Variants in SLC8A1 observed in about 807,000 individuals in gnomAD.
The protein encoded by SLC8A1 is solute carrier family 8 member A1.
In SLC8A1, 18 loss-of-function variants were observed where a neutral mutation model predicts 68.3. The observed-to-expected ratio is 0.26, with a 90% CI of 0.18 to 0.39. The LOEUF (loss-of-function observed/expected upper bound fraction) is 0.39, where lower values mean the gene tolerates loss of function less well. Ranked by LOEUF, SLC8A1 falls within the 10% of genes least tolerant of loss-of-function variation. The pLI, the probability that SLC8A1 is intolerant of heterozygous loss-of-function variation, is 1.00. For synonymous variants in SLC8A1, 475 were observed against 415.5 expected (o/e 1.14, Z -1.74); for missense variants, 985 against 1,156.7 (o/e 0.85, Z 2.15).
intron 6 of SLC8A1, among the ~76,000 whole-genome samples, chr2:40,140,746 G>A (rs2041408125): frequency 6.6e-6 from 1 of 152,218 alleles, no homozygotes; most frequent in Admixed American, 6.5e-5. Flanking sequence ...ACCATCTCCA[G>A]CATGTGAACA....
intron 1 of SLC8A1, among the ~76,000 whole-genome samples, chr2:40,442,397 CAAAA>C (rs550977492): frequency 2.6e-5 from 2 of 75,742 alleles, no homozygotes; most frequent in Non-Finnish European, 5.4e-5. Context: ...CTTAAATTTA[CAAAA>C]AAAAAAAAAA....
chr2:40,415,034 C>T (rs992026145), intron 2 of SLC8A1, among the ~76,000 whole-genome samples: 7 of 152,178 alleles, frequency 4.6e-5, no homozygotes, highest in African/African-American at 1.4e-4. Flanking sequence ...GGAATGGACT[C>T]GTATTTAAGG....
chr2:40,137,909 C>T (rs551459122), intron 7 of SLC8A1, among the ~76,000 whole-genome samples: 1 of 152,242 alleles, frequency 6.6e-6, no homozygotes, highest in African/African-American at 2.4e-5. Context: ...AGTTGCATAA[C>T]ACCATGCCTT....
chr2:40,354,715 T>C (rs754417334), intron 2 of SLC8A1, among the ~76,000 whole-genome samples: 1 of 152,050 alleles, frequency 6.6e-6, no homozygotes, highest in Non-Finnish European at 1.5e-5. Context: ...GTTGTATAAA[T>C]CTTAAGAAAA....
intron 2 of SLC8A1, among the ~76,000 whole-genome samples, chr2:40,403,768 C>G (rs1408906845): frequency 6.6e-6 from 1 of 152,154 alleles, no homozygotes. Context: ...TCATAGAAAG[C>G]ATTTTGGCAT....
intron 2 of SLC8A1, among the ~76,000 whole-genome samples, chr2:40,285,844 A>C (rs2068217198): frequency 6.6e-6 from 1 of 152,186 alleles, no homozygotes; most frequent in Non-Finnish European, 1.5e-5. Flanking sequence ...TATATTATAG[A>C]TAGAACTTTG....
rs1350658776 is a variant in SLC8A1 at position 40,467,546 on chromosome 2, C to G, written c.-24-37242G>C. 3.3e-5 allele frequency among the ~76,000 whole-genome samples: 5 copies of G among 152,226 alleles called. No individual in the cohort carries two copies. In the East Asian group the frequency reaches 9.6e-4, roughly 29 times the overall value. On this transcript the variant is annotated intron_variant, in intron 1 of 7. Transcript: ENST00000402441. Reference sequence around the variant, plus strand: ...ATTGTTGTCTCCTTTTATGTTCCTTCTACAGAATAATGATTTGCTGCCTTT... The same window carrying G: ...ATTGTTGTCTCCTTTTATGTTCCTTGTACAGAATAATGATTTGCTGCCTTT...
chr2:40,290,434 G>A (rs923476866), intron 2 of SLC8A1, among the ~76,000 whole-genome samples: 8 of 151,982 alleles, frequency 5.3e-5, no homozygotes, highest in Admixed American at 5.2e-4. Flanking sequence ...CCCTTCTATA[G>A]AATATATGCT....
intron 6 of SLC8A1, among the ~76,000 whole-genome samples, chr2:40,145,480 T>C (rs1394026575): frequency 6.6e-6 from 1 of 152,210 alleles, no homozygotes; most frequent in Non-Finnish European, 1.5e-5. Flanking sequence ...CATCTGCGGA[T>C]GTGTCTGACT....
chr2:40,423,230 T>C (rs1695981508), intron 2 of SLC8A1, among the ~76,000 whole-genome samples: 1 of 152,110 alleles, frequency 6.6e-6, no homozygotes, highest in African/African-American at 2.4e-5. Context: ...TATGAGTCCA[T>C]CTTACAATGC....
At chr2:40,307,193 C>T (rs79609554) in intron 2 of SLC8A1, among the ~76,000 whole-genome samples, 1,824 of 143,088 alleles carry the variant, frequency 0.013, 28 homozygotes, top group African/African-American at 0.045. Flanking sequence ...ACACACACAC[C>T]AATATAACAG....
At chr2:40,301,852 G>A (rs1447249943) in intron 2 of SLC8A1, among the ~76,000 whole-genome samples, 2 of 152,096 alleles carry the variant, frequency 1.3e-5, no homozygotes, top group African/African-American at 4.8e-5. Flanking sequence ...CACCCAAGCA[G>A]TATATATACT....
At chr2:40,400,840 G>A (rs756991914) in intron 2 of SLC8A1, among the ~76,000 whole-genome samples, 2 of 152,160 alleles carry the variant, frequency 1.3e-5, no homozygotes, top group East Asian at 3.9e-4. Flanking sequence ...CTGGCATAGG[G>A]AGCACTGCCC....
At chr2:40,335,012 CT>C (rs779632884) in intron 2 of SLC8A1, among the ~76,000 whole-genome samples, 94 of 152,302 alleles carry the variant, frequency 6.2e-4, no homozygotes, top group Admixed American at 1.1e-3. Context: ...AAAAACTCTA[CT>C]GATATCAACT....
chr2:40,497,238 T>C (rs1255181215), intron 1 of SLC8A1, among the ~76,000 whole-genome samples: 1 of 152,050 alleles, frequency 6.6e-6, no homozygotes, highest in Non-Finnish European at 1.5e-5. Flanking sequence ...CTTCTAAGCA[T>C]CCATTTTCTT....
At position 40,384,294 on chromosome 2, in the gene SLC8A1, T is replaced by C. The variant is rs557083529; in HGVS notation, c.1808+44179A>G. Among the ~76,000 whole-genome samples the C allele has an allele frequency of 1.4e-4, 22 of 152,216 alleles. No individual in the cohort carries two copies. In the South Asian group the frequency reaches 4.4e-3, roughly 30 times the overall value. ...ATAACATTTTAAAAAATGTTAAGAA[T>C]TATTAAACTGTTATTTATTGTATTA... is the stretch of plus-strand genomic sequence containing the variant. On this transcript the variant is annotated intron_variant, in intron 2 of 7. Transcript: ENST00000406785.
chr2:40,414,646 T>C (rs1247300148), intron 2 of SLC8A1, among the ~76,000 whole-genome samples: 2 of 152,204 alleles, frequency 1.3e-5, no homozygotes, highest in Admixed American at 1.3e-4. Context: ...GGACTTGTTT[T>C]AGTCTCTTGG....
chr2:40,301,859 T>C (rs1040454590), intron 2 of SLC8A1, among the ~76,000 whole-genome samples: 1 of 152,122 alleles, frequency 6.6e-6, no homozygotes, highest in Non-Finnish European at 1.5e-5. Context: ...GCAGTATATA[T>C]ACTGAACCCC....
At chr2:40,284,025 G>A (rs11904139) in intron 2 of SLC8A1, among the ~76,000 whole-genome samples, 70,685 of 151,900 alleles carry the variant, frequency 0.47, 17,885 homozygotes, top group East Asian at 0.71. Context: ...GGGCTTGGCC[G>A]TATTATGGAA....
Sources: gnomAD v4.1 joint callset for allele counts (sites outside exome capture counted in the v4.1 genomes callset) on GRCh38, gnomAD v4.1.1 for gene constraint, MANE v1.5 for transcripts, NCBI Gene and HGNC (gene_info 2026-07-23, HGNC 2026-07-21) for gene names.